VWC2L: variants seen among roughly 807,000 people sequenced by gnomAD.
VWC2L encodes von Willebrand factor C domain containing 2 like.
Under a neutral mutation model 21.6 loss-of-function variants are expected in VWC2L, and 10 were observed. That is an observed-to-expected ratio of 0.46 (90% CI 0.29 to 0.78). VWC2L has a LOEUF of 0.78. Ranked by LOEUF, VWC2L falls within the 30% of genes least tolerant of loss-of-function variation. The pLI is 0.10. For missense variants in VWC2L, 209 were observed against 277.1 expected (o/e 0.75, Z 1.74); for synonymous variants, 96 against 94.3 (o/e 1.02, Z -0.10).
At chr2:214,521,083 G>A (rs1363389914) in intron 3 of VWC2L, among the ~76,000 whole-genome samples, 3 of 151,654 alleles carry the variant, frequency 2.0e-5, no homozygotes, top group Non-Finnish European at 2.9e-5. Context: ...AAATTAGCCC[G>A]GTGTGGTGGT....
intron 3 of VWC2L, among the ~76,000 whole-genome samples, chr2:214,553,080 T>G (rs915165244): frequency 3.3e-5 from 5 of 152,176 alleles, no homozygotes; most frequent in African/African-American, 1.2e-4. Context: ...CCATCCCCTC[T>G]TCTCCATTCT....
At chr2:214,423,000 G>A in intron 2 of VWC2L, among the ~76,000 whole-genome samples, 1 of 152,080 alleles carries the variant, frequency 6.6e-6, no homozygotes, top group East Asian at 1.9e-4. Context: ...ATCTTATGAA[G>A]AATAAATAGT....
chr2:214,556,857 C>T (rs181693663), intron 3 of VWC2L, among the ~76,000 whole-genome samples: 1 of 152,318 alleles, frequency 6.6e-6, no homozygotes, highest in Non-Finnish European at 1.5e-5. Context: ...TTGCTCCTAG[C>T]ATCCCAAATG....
intron 3 of VWC2L, among the ~76,000 whole-genome samples, chr2:214,540,542 T>C (rs537947891): frequency 3.3e-5 from 5 of 152,344 alleles, no homozygotes; most frequent in African/African-American, 9.6e-5. Flanking sequence ...TTGATATCTT[T>C]AACTCTGGCC....
chr2:214,504,004 C>T (rs780044990), intron 3 of VWC2L, among the ~76,000 whole-genome samples: 1 of 152,114 alleles, frequency 6.6e-6, no homozygotes, highest in Non-Finnish European at 1.5e-5. Flanking sequence ...TATTTAGACA[C>T]TGGCTAAAAC....
intron 3 of VWC2L, among the ~76,000 whole-genome samples, chr2:214,520,880 T>C (rs1328402288): frequency 1.3e-5 from 2 of 152,116 alleles, no homozygotes. Context: ...AGATCAGTGC[T>C]TTTTTATATA....
chr2:214,429,358 G>A (rs1211490046), intron 2 of VWC2L, among the ~76,000 whole-genome samples: 1 of 152,068 alleles, frequency 6.6e-6, no homozygotes, highest in Non-Finnish European at 1.5e-5. Flanking sequence ...GACTAAGGAC[G>A]GCTGCTTTTC....
chr2:214,522,763 T>G (rs115830881), intron 3 of VWC2L, among the ~76,000 whole-genome samples: 1,650 of 152,334 alleles, frequency 0.011, 31 homozygotes, highest in African/African-American at 0.038. Flanking sequence ...TTGCAATAGA[T>G]GAATACAATA....
intron 3 of VWC2L, among the ~76,000 whole-genome samples, chr2:214,447,855 C>T (rs968427454): frequency 5.3e-5 from 8 of 152,048 alleles, no homozygotes; most frequent in African/African-American, 1.9e-4. Flanking sequence ...GCTGGGTGGT[C>T]CTGAAAAGAT....
In VWC2L at chr2:214,411,675, A is replaced by T. The variant is rs1335168617; in HGVS notation, c.-192A>T. ...GATTGCCTTTAATTCATGCCTAAAA[A>T]ATGTATTCTTTGGGTAATTAAAGAG... On this transcript the variant is annotated 5_prime_UTR_variant, in exon 1 of 4. Coordinates refer to ENST00000312504, the MANE Select transcript of VWC2L (RefSeq NM_001080500.4). 1 of 152,208 alleles carries T rather than the reference A, an allele frequency of 6.6e-6. No homozygotes were observed. The highest frequency in any genetic ancestry group is 2.4e-5 in the African/African-American group (1 of 41,442). 9.4% of individuals were successfully genotyped at this position (152,208 alleles called of 1,614,324 possible).
intron 3 of VWC2L, among the ~76,000 whole-genome samples, chr2:214,443,390 A>AC (rs1702790807): frequency 6.6e-6 from 1 of 152,086 alleles, no homozygotes; most frequent in African/African-American, 2.4e-5. Flanking sequence ...AAACAAAAAA[A>AC]CAAAAAAAAA....
chr2:214,534,558 T>C (rs867849099), intron 3 of VWC2L, among the ~76,000 whole-genome samples: 2 of 152,060 alleles, frequency 1.3e-5, no homozygotes, highest in Admixed American at 6.6e-5. Flanking sequence ...GGGAGCATCA[T>C]CTATTCACCA....
chr2:214,460,576 G>A (rs1005882312), intron 3 of VWC2L, among the ~76,000 whole-genome samples: 12 of 151,900 alleles, frequency 7.9e-5, no homozygotes, highest in Admixed American at 7.2e-4. Context: ...GCTATTGATG[G>A]TATTTTTCAC....
At chr2:214,542,773 G>T (rs1689647826) in intron 3 of VWC2L, among the ~76,000 whole-genome samples, 1 of 152,098 alleles carries the variant, frequency 6.6e-6, no homozygotes, top group Non-Finnish European at 1.5e-5. Context: ...CCCAGGGGTG[G>T]TTAAAGCTAA....
intron 3 of VWC2L, among the ~76,000 whole-genome samples, chr2:214,532,919 C>CCTAGAGACAGGGGACCCTGTG (rs1553600341): frequency 4.9e-4 from 3 of 6,110 alleles, no homozygotes; most frequent in Non-Finnish European, 1.5e-3. Context: ...GGAGCAGTGA[C>CCTAGAGACAGGGGACCCTGTG]CTAGAGAGAG....
chr2:214,439,769 C>T (rs896783926), intron 3 of VWC2L, among the ~76,000 whole-genome samples: 1 of 151,720 alleles, frequency 6.6e-6, no homozygotes, highest in Non-Finnish European at 1.5e-5. Context: ...AACCTTATAA[C>T]TCAACATTAA....
chr2:214,461,546 G>A (rs1405966999), intron 3 of VWC2L, among the ~76,000 whole-genome samples: 2 of 152,130 alleles, frequency 1.3e-5, no homozygotes, highest in Non-Finnish European at 2.9e-5. Flanking sequence ...TATCACCAGT[G>A]GCAGGTGTTC....
rs143288534 is a variant in VWC2L at position 214,511,987 on chromosome 2, T to A, written c.521-63685T>A. Among the ~76,000 whole-genome samples the A allele has an allele frequency of 2.2e-3, 326 of 151,306 alleles. 2 individuals are homozygous for A. Among genetic ancestry groups the A allele is most frequent in the African/African-American group, 7.7e-3 (316 of 41,242 alleles). On this transcript the variant is annotated intron_variant, in intron 3 of 3. Coordinates refer to ENST00000312504, the MANE Select transcript of VWC2L (RefSeq NM_001080500.4). ...GATCCCCAAAGAGTCATGAACTTAATGCTTACCCTTCTCATTAGTGTTTCT... is the reference window on the plus strand; with the variant it reads ...GATCCCCAAAGAGTCATGAACTTAAAGCTTACCCTTCTCATTAGTGTTTCT...
At position 214,575,934 on chromosome 2, in the gene VWC2L, C is replaced by G. The variant is rs1435804880; in HGVS notation, c.*114C>G. On this transcript the variant is annotated 3_prime_UTR_variant, in exon 4 of 4. Transcript: ENST00000312504. The stretch of plus-strand genomic sequence containing the variant: ...CTCCTGCCAGCTACAACAGGGTCAC[C>G]AGCAAAACTTTCTAGGGTTGACAAA... 1 of 1,261,170 alleles carries G rather than the reference C, an allele frequency of 7.9e-7. No homozygotes were observed. Among genetic ancestry groups the G allele is most frequent in the Non-Finnish European group, 1.1e-6 (1 of 921,786 alleles). The allele number at this position is 1,261,170 out of a possible 1,614,324, so 78.1% of individuals were successfully genotyped here. A position where few individuals can be genotyped will look rare whatever the true frequency, so the allele number is the denominator to read the frequency against.
Sources: allele counts gnomAD v4.1 joint callset (sites outside exome capture counted in the v4.1 genomes callset), GRCh38; gene constraint gnomAD v4.1.1; transcripts MANE v1.5; gene names NCBI Gene and HGNC (gene_info 2026-07-23, HGNC 2026-07-21).